The following LIN54 variants were observed in gnomAD, a reference collection of about 807,000 sequenced individuals.
LIN54 encodes protein lin-54 homolog.
LIN54 carries 9 observed loss-of-function variants against 78.7 expected under a neutral mutation model. The observed-to-expected ratio is 0.11, with a 90% CI of 0.07 to 0.20. The LOEUF (loss-of-function observed/expected upper bound fraction) is 0.20. LIN54 is among the 10% of genes least tolerant of loss of function. The pLI, the probability that LIN54 is intolerant of heterozygous loss-of-function variation, is 1.00. For missense variants in LIN54, 573 were observed against 889.9 expected, an observed-to-expected ratio of 0.64 and a Z score of 4.53; for synonymous variants, 269 against 318.4, an observed-to-expected ratio of 0.84 and a Z score of 1.65.
At chr4:82,934,825 A>G (rs2061999973) in intron 11 of LIN54, among the ~76,000 whole-genome samples, 1 of 152,248 alleles carries the variant, frequency 6.6e-6, no homozygotes. Flanking sequence ...GTCAGTAAAG[A>G]GTTTCAGGCA....
chr4:82,973,325 A>G (rs563730677), intron 3 of LIN54, among the ~76,000 whole-genome samples: 15 of 152,298 alleles, frequency 9.8e-5, no homozygotes, highest in South Asian at 2.1e-4. Context: ...GATTTCATCA[A>G]TTTTCCCAAG....
At chr4:83,003,201 CACAG>C (rs1729016796) in intron 1 of LIN54, among the ~76,000 whole-genome samples, 2 of 151,974 alleles carry the variant, frequency 1.3e-5, no homozygotes, top group Non-Finnish European at 2.9e-5. Context: ...TTTTAGTAGA[CACAG>C]GGTTTCACCA....
chr4:83,010,612 C>T lies in LIN54; in HGVS notation c.-161G>A. On this transcript the variant is annotated 5_prime_UTR_variant, in exon 1 of 13. Transcript: ENST00000340417. ...ATAGCTCTGGCCAGCAGCTTCCTTT[C>T]CCAGTTTGTCCAAACTGGAGCGCTC... 8.1e-7 allele frequency: 1 copy of T among 1,229,018 alleles called. No individual in the cohort carries two copies. 76.1% of individuals were successfully genotyped at this position (1,229,018 alleles called of 1,614,324 possible). A position where few individuals can be genotyped will look rare whatever the true frequency, so the allele number is the denominator to read the frequency against.
At chr4:82,992,834 C>T (rs1727847807) in intron 1 of LIN54, among the ~76,000 whole-genome samples, 1 of 151,986 alleles carries the variant, frequency 6.6e-6, no homozygotes, top group African/African-American at 2.4e-5. Flanking sequence ...TGAGACCATC[C>T]TGGTTAACAC....
intron 11 of LIN54, among the ~76,000 whole-genome samples, chr4:82,934,129 C>A (rs997335095): frequency 6.6e-6 from 1 of 152,134 alleles, no homozygotes; most frequent in East Asian, 1.9e-4. Context: ...AATCAACTTG[C>A]GACGGTGGCT....
intron 4 of LIN54, among the ~76,000 whole-genome samples, chr4:82,966,447 C>T (rs1725206953): frequency 6.6e-6 from 1 of 150,600 alleles, no homozygotes; most frequent in Non-Finnish European, 1.5e-5. Flanking sequence ...TATCATCTAC[C>T]TCCTATTAAA....
intron 1 of LIN54, among the ~76,000 whole-genome samples, chr4:82,992,705 C>G (rs968875345): frequency 6.6e-6 from 1 of 152,108 alleles, no homozygotes; most frequent in Non-Finnish European, 1.5e-5. Context: ...GAGGCATGCA[C>G]CACGATGCCT....
chr4:82,952,631 AG>A (rs1723932062), intron 4 of LIN54, among the ~76,000 whole-genome samples: 1 of 152,232 alleles, frequency 6.6e-6, no homozygotes, highest in Non-Finnish European at 1.5e-5. Context: ...AAGAATTAAA[AG>A]TAGGGTCTTG....
Position 82,997,247 on chromosome 4 carries a change from T to G in LIN54, c.-32-12371A>C, listed in dbSNP as rs147705246. On this transcript the variant is annotated intron_variant, in intron 1 of 12. Coordinates refer to ENST00000340417, the MANE Select transcript of LIN54 (RefSeq NM_194282.4). ...ATAACTTTTGTCAATTTGAGTAGGA[T>G]AGGTTTATATAATGCTCTGGGACTT... is the stretch of plus-strand genomic sequence containing the variant. 1.9e-3 allele frequency among the ~76,000 whole-genome samples: 287 copies of G among 152,212 alleles called. 3 individuals carry two copies. The highest frequency in any genetic ancestry group is 6.5e-3 in the African/African-American group (271 of 41,562).
chr4:82,980,892 C>T (rs995543210), intron 2 of LIN54, among the ~76,000 whole-genome samples: 3 of 152,044 alleles, frequency 2.0e-5, no homozygotes, highest in African/African-American at 2.4e-5. Flanking sequence ...TATATGAATA[C>T]TTATCAGTAA....
chr4:82,965,051 T>G (rs890869524), intron 4 of LIN54, among the ~76,000 whole-genome samples: 4 of 152,138 alleles, frequency 2.6e-5, no homozygotes, highest in African/African-American at 9.6e-5. Context: ...TAAAGAAAAA[T>G]TTTGAAGAAA....
At chr4:82,991,903 T>C (rs1416220401) in intron 1 of LIN54, among the ~76,000 whole-genome samples, 1 of 152,236 alleles carries the variant, frequency 6.6e-6, no homozygotes, top group Non-Finnish European at 1.5e-5. Context: ...ATTTTTGTTA[T>C]GTTAATGAGG....
chr4:83,006,338 A>G (rs1729357371), intron 1 of LIN54, among the ~76,000 whole-genome samples: 1 of 151,830 alleles, frequency 6.6e-6, no homozygotes, highest in Non-Finnish European at 1.5e-5. Flanking sequence ...AGTCCCAGCT[A>G]CTCGGGAGGC....
Position 83,010,465 on chromosome 4 carries a change from G to A in LIN54, c.-33+19C>T, listed in dbSNP as rs1324787286. On this transcript the variant is annotated intron_variant, in intron 1 of 12. Transcript: ENST00000340417. ...GATCTCCGGACAGAGAAGCCCTCGGGTACCCCATCCTCCTCTACCTCCAGC... is the reference window on the plus strand; with the variant it reads ...GATCTCCGGACAGAGAAGCCCTCGGATACCCCATCCTCCTCTACCTCCAGC... 9.1e-7 allele frequency: 1 copy of A among 1,101,302 alleles called. No homozygotes were observed. The highest frequency in any genetic ancestry group is 5.3e-5 in the East Asian group (1 of 18,856). The allele number at this position is 1,101,302 out of a possible 1,614,324, so 68.2% of individuals were successfully genotyped here.
chr4:82,990,569 C>T (rs1727596478), intron 1 of LIN54, among the ~76,000 whole-genome samples: 1 of 151,980 alleles, frequency 6.6e-6, no homozygotes, highest in South Asian at 2.1e-4. Flanking sequence ...TTGCAAGCTC[C>T]GCCTCCCAGG....
rs1729313683 is a variant in LIN54, at chr4:83,005,838, T to C, written c.-33+4646A>G. 2.0e-5 allele frequency among the ~76,000 whole-genome samples: 3 copies of C among 152,072 alleles called. No homozygotes were observed. In the South Asian group the frequency reaches 6.2e-4, roughly 31 times the overall value. On this transcript the variant is annotated intron_variant, in intron 1 of 12. Coordinates refer to ENST00000340417, the MANE Select transcript of LIN54 (RefSeq NM_194282.4). ...CAGAAAGACACATGCACCCACATGG[T>C]CATCGCAGCACTACTCACAAGAGCA...
At chr4:82,997,735 G>A (rs1250778297) in intron 1 of LIN54, among the ~76,000 whole-genome samples, 1 of 151,898 alleles carries the variant, frequency 6.6e-6, no homozygotes, top group African/African-American at 2.4e-5. Context: ...AAAAAATAAT[G>A]TAATCCCAGC....
At chr4:82,973,101 T>C (rs1725817266) in intron 3 of LIN54, among the ~76,000 whole-genome samples, 1 of 152,178 alleles carries the variant, frequency 6.6e-6, no homozygotes, top group South Asian at 2.1e-4. Context: ...AAACTTTTAC[T>C]ATCTTTCTGT....
chr4:82,984,633 T>C lies in LIN54; in HGVS notation c.212A>G (p.Asn71Ser). ...ISTEPITVYS[N>S]HTNQVAVNTT... ...ATTCACTGCAACTTGGTTAGTGTGG[T>C]TACTGTACACTGTGATTGGTTCCGT... The change falls in exon 2 of 13, where the codon AAC becomes AGC. Residue 71 changes from asparagine to serine, a missense_variant. Asn to Ser is a conservative substitution (Grantham distance 46). Around this residue, in one of 6 missense-constraint regions of LIN54, gnomAD observed 183 missense variants for 228.4 expected, o/e 0.80. Coordinates refer to ENST00000340417, the MANE Select transcript of LIN54 (RefSeq NM_194282.4). 1.2e-6 allele frequency: 2 copies of C among 1,614,130 alleles called. No individual in the cohort carries two copies. The highest frequency in any genetic ancestry group is 1.7e-6 in the Non-Finnish European group (2 of 1,179,978).
Sources: gnomAD v4.1 joint callset for allele counts (sites outside exome capture counted in the v4.1 genomes callset) on GRCh38, gnomAD v4.1.1 for gene constraint, gnomAD v4.1.1 regional missense constraint, MANE v1.5 for transcripts, NCBI Gene and HGNC (gene_info 2026-07-23, HGNC 2026-07-21) for gene names.